Variants in C5orf34 observed in about 807,000 individuals in gnomAD.
C5orf34 encodes the protein uncharacterized protein C5orf34.
C5orf34 carries 73 observed loss-of-function variants against 78.4 expected under a neutral mutation model. That is an observed-to-expected ratio of 0.93 (90% CI 0.77 to 1.13). The LOEUF is 1.13. C5orf34 is among the 50% of genes most tolerant of loss of function. The pLI, the probability that C5orf34 is intolerant of heterozygous loss-of-function variation, is 0.00. For synonymous variants in C5orf34, 251 were observed against 246.6 expected, an observed-to-expected ratio of 1.02 and a Z score of -0.17; for missense variants, 730 against 732.7, an observed-to-expected ratio of 1.00 and a Z score of 0.04.
chr5:43,498,310 T>C (rs1009739452), intron 6 of C5orf34, among the ~76,000 whole-genome samples: 13 of 152,202 alleles, frequency 8.5e-5, no homozygotes, highest in African/African-American at 3.1e-4. Context: ...TCCAAGACCC[T>C]ATTTCATCAA....
rs1745129398 is a variant in C5orf34, at chr5:43,487,966, A to G, written c.1680-17T>C. The G allele has an allele frequency of 6.3e-6, 10 of 1,593,830 alleles. No homozygotes were observed. The highest frequency in any genetic ancestry group is 8.6e-6 in the Non-Finnish European group (10 of 1,168,078). Reference sequence around the variant, plus strand: ...GCAACAGACCTGTCCAAGGAAAAAGAAAAAATTCATTCAGTTGTCTGATTC... The same window carrying G: ...GCAACAGACCTGTCCAAGGAAAAAGGAAAAATTCATTCAGTTGTCTGATTC... On this transcript the variant is annotated splice_polypyrimidine_tract_variant and intron_variant, in intron 11 of 12. Transcript: ENST00000306862.
intron 10 of C5orf34, 151 bp downstream of exon 10, chr5:43,492,064 A>G (rs1173021769): frequency 1.9e-6 from 1 of 531,112 alleles, no homozygotes; most frequent in Non-Finnish European, 3.3e-6. Flanking sequence ...ACACAAGTAC[A>G]GCTATCAACT....
intron 6 of C5orf34, chr5:43,495,383 G>A (rs1745460314): frequency 6.2e-7 from 1 of 1,611,744 alleles, no homozygotes; most frequent in South Asian, 1.1e-5. Flanking sequence ...ATCCAATATA[G>A]GGGCATAGCC....
At chr5:43,497,048 A>C (rs1211273964) in intron 6 of C5orf34, among the ~76,000 whole-genome samples, 1 of 152,244 alleles carries the variant, frequency 6.6e-6, no homozygotes, top group Non-Finnish European at 1.5e-5. Context: ...AATTGAATGA[A>C]TATACCATTT....
intron 6 of C5orf34, chr5:43,496,007 C>T (rs905173509): frequency 2.5e-6 from 4 of 1,591,264 alleles, no homozygotes; most frequent in African/African-American, 1.3e-5. Flanking sequence ...TTTGTTAACA[C>T]CAACAATTAG....
intron 8 of C5orf34, among the ~76,000 whole-genome samples, 170 bp downstream of exon 8, chr5:43,493,373 C>G (rs35047893): frequency 1.3e-5 from 2 of 151,966 alleles, no homozygotes; most frequent in Non-Finnish European, 2.9e-5. Flanking sequence ...ACATAAAAGC[C>G]TGAACTTTCA....
rs749925704 is a variant in C5orf34 at position 43,503,724 on chromosome 5, A to G, written c.969T>C (p.Ser323=). The G allele has an allele frequency of 4.3e-6, 7 of 1,613,688 alleles. No homozygotes were observed. The highest frequency in any genetic ancestry group is 5.1e-6 in the Non-Finnish European group (6 of 1,179,714). ...NFCDSLLQRQ[S]DEYSYPELVK... The stretch of plus-strand genomic sequence containing the variant: ...CTAGTTCAGGATAGGAATATTCATC[A>G]GATTGTCTCTGTAAAAGTGAATCAC... The change falls in exon 5 of 13, where the codon TCT becomes TCC. Residue 323 remains serine (S), a synonymous_variant. Transcript: ENST00000306862.
chr5:43,507,258 T>G (rs981637202), intron 3 of C5orf34, among the ~76,000 whole-genome samples: 54 of 152,260 alleles, frequency 3.5e-4, no homozygotes, highest in African/African-American at 1.3e-3. Flanking sequence ...GAGAGGTTTT[T>G]ACTGAATTAA....
At chr5:43,501,323 T>G (rs1050840492) in intron 6 of C5orf34, among the ~76,000 whole-genome samples, 1 of 142,780 alleles carries the variant, frequency 7.0e-6, no homozygotes, top group Non-Finnish European at 1.6e-5. Context: ...TTGTATCTCA[T>G]TTGCTTGTTT....
At chr5:43,487,628 A>C in intron 12 of C5orf34, among the ~76,000 whole-genome samples, 1 of 152,136 alleles carries the variant, frequency 6.6e-6, no homozygotes, top group Non-Finnish European at 1.5e-5. Context: ...TTATAATTTT[A>C]TTATATAATT....
Position 43,509,347 on chromosome 5 carries a change from G to A in C5orf34, c.-8C>T. ...TCGCAGTTCAGCTGCCATTACAACG[G>A]CAGGATAAGATATCTTCTAAGTCAA... On this transcript the variant is annotated 5_prime_UTR_variant, in exon 2 of 13. Coordinates refer to ENST00000306862, the MANE Select transcript of C5orf34 (RefSeq NM_198566.4). 1 of 1,486,318 alleles carries A rather than the reference G, an allele frequency of 6.7e-7. No individual in the cohort carries two copies. Among genetic ancestry groups the A allele is most frequent in the Non-Finnish European group, 8.9e-7 (1 of 1,123,154 alleles). 92.1% of individuals were successfully genotyped at this position (1,486,318 alleles called of 1,614,324 possible). A position where few individuals can be genotyped will look rare whatever the true frequency, so the allele number is the denominator to read the frequency against.
rs199653432 is a variant in C5orf34 at position 43,492,693 on chromosome 5, A to G, written c.1485+27T>C. The G allele has an allele frequency of 3.9e-3, 6,118 of 1,573,980 alleles. 10 individuals carry two copies. The highest frequency in any genetic ancestry group is 4.9e-3 in the Non-Finnish European group (5,692 of 1,157,298). ...GTTTTCCACAGATTACCAATAAAAA[A>G]TAGATCTAAGTCTGAAGTATACCCA... On this transcript the variant is annotated intron_variant, in intron 9 of 12. Transcript: ENST00000306862.
chr5:43,489,099 TC>T (rs1745171123), intron 11 of C5orf34, among the ~76,000 whole-genome samples: 1 of 151,786 alleles, frequency 6.6e-6, no homozygotes, highest in African/African-American at 2.4e-5. Flanking sequence ...TTGCAAAATA[TC>T]TTTTTTTTTT....
At chr5:43,489,122 C>G (rs1745173018) in intron 11 of C5orf34, among the ~76,000 whole-genome samples, 1 of 151,852 alleles carries the variant, frequency 6.6e-6, no homozygotes, top group African/African-American at 2.4e-5. Flanking sequence ...AAACCCAACG[C>G]ATTTTTCTGG....
At chr5:43,491,024 G>A (rs1429534125) in intron 10 of C5orf34, among the ~76,000 whole-genome samples, 1 of 152,128 alleles carries the variant, frequency 6.6e-6, no homozygotes, top group African/African-American at 2.4e-5. Flanking sequence ...AATTTTAAAT[G>A]TTCTAATTCT....
intron 8 of C5orf34, 53 bp from the exon 9 acceptor site, chr5:43,492,943 T>C: frequency 7.7e-7 from 1 of 1,292,524 alleles, no homozygotes; most frequent in Non-Finnish European, 1.1e-6. Context: ...AAGAACAAGA[T>C]TTAAATGAAT....
intron 6 of C5orf34, 45 bp from the exon 7 acceptor site, chr5:43,494,646 G>A: frequency 8.0e-7 from 1 of 1,249,706 alleles, no homozygotes; most frequent in African/African-American, 1.5e-5. Flanking sequence ...AATAAATTTT[G>A]GCCTTTATTA....
chr5:43,489,302 G>A (rs1745181498), intron 11 of C5orf34, among the ~76,000 whole-genome samples: 1 of 152,010 alleles, frequency 6.6e-6, no homozygotes, highest in South Asian at 2.1e-4. Context: ...GTACAATCTT[G>A]TTTCTTCCTT....
chr5:43,496,189 A>G (rs1284657854), intron 6 of C5orf34: 14 of 1,550,584 alleles, frequency 9.0e-6, no homozygotes, highest in South Asian at 5.6e-5. Context: ...GGCATCAATG[A>G]TAGTCACATA....
Sources: gnomAD v4.1 joint callset for allele counts (sites outside exome capture counted in the v4.1 genomes callset) on GRCh38, gnomAD v4.1.1 for gene constraint, MANE v1.5 for transcripts, NCBI Gene and HGNC (gene_info 2026-07-23, HGNC 2026-07-21) for gene names.